KCNMA1: variants seen among roughly 807,000 people sequenced by gnomAD.
KCNMA1 encodes the protein potassium calcium-activated channel subfamily M alpha 1.
In KCNMA1, 29 loss-of-function variants were observed where a neutral mutation model predicts 140.0. The ratio of observed to expected loss-of-function variants is 0.21; its 90% CI spans 0.15 to 0.28. The LOEUF is 0.28. Ranked by LOEUF, KCNMA1 falls within the 10% of genes least tolerant of loss-of-function variation. KCNMA1 has a pLI of 1.00. For synonymous variants in KCNMA1, 612 were observed against 611.9 expected, an observed-to-expected ratio of 1.00 and a Z score of 0.00; for missense variants, 880 against 1,602.2, an observed-to-expected ratio of 0.55 and a Z score of 7.70.
At chr10:77,612,755 TCTTCA>T (rs1273812099) in intron 1 of KCNMA1, among the ~76,000 whole-genome samples, 1 of 152,128 alleles carries the variant, frequency 6.6e-6, no homozygotes, top group African/African-American at 2.4e-5. Flanking sequence ...TACCTTCCTC[TCTTCA>T]CTTCACGGTG....
intron 20 of KCNMA1, 104 bp from the exon 21 acceptor site, chr10:76,954,028 A>C: frequency 7.6e-7 from 1 of 1,312,454 alleles, no homozygotes. Context: ...ATGCAGAGGA[A>C]GTGGTTGTCA....
intron 3 of KCNMA1, among the ~76,000 whole-genome samples, chr10:77,229,837 G>A (rs2052966152): frequency 6.6e-6 from 1 of 152,184 alleles, no homozygotes. Flanking sequence ...ACCCCCGCAT[G>A]TTGTTGGTGG....
chr10:77,623,925 G>A (rs538870815), intron 1 of KCNMA1, among the ~76,000 whole-genome samples: 75 of 152,282 alleles, frequency 4.9e-4, no homozygotes, highest in Non-Finnish European at 8.8e-4. Flanking sequence ...GCATGGCTCC[G>A]GTAGCATAAT....
chr10:77,266,380 T>C (rs959791323), intron 2 of KCNMA1, among the ~76,000 whole-genome samples: 3 of 152,192 alleles, frequency 2.0e-5, no homozygotes, highest in Non-Finnish European at 2.9e-5. Flanking sequence ...GCTCCCTTTG[T>C]CCAGGTTCCA....
chr10:76,970,340 A>C, intron 19 of KCNMA1: 2 of 396,788 alleles, frequency 5.0e-6, no homozygotes, highest in Non-Finnish European at 9.3e-6. Flanking sequence ...AAAAAAAAAA[A>C]AAAAAAAGAA....
intron 1 of KCNMA1, among the ~76,000 whole-genome samples, chr10:77,446,640 A>G (rs1438020753): frequency 6.6e-6 from 1 of 152,214 alleles, no homozygotes; most frequent in Non-Finnish European, 1.5e-5. Flanking sequence ...CTTGGAGGAC[A>G]ACCAACAAAG....
At chr10:77,531,139 C>T (rs937329488) in intron 1 of KCNMA1, among the ~76,000 whole-genome samples, 4 of 152,116 alleles carry the variant, frequency 2.6e-5, no homozygotes, top group East Asian at 1.9e-4. Flanking sequence ...AAGCACCACG[C>T]GGGGCTTCAA....
chr10:77,288,824 A>G (rs1703005672), intron 2 of KCNMA1, among the ~76,000 whole-genome samples: 2 of 152,222 alleles, frequency 1.3e-5, no homozygotes, highest in Admixed American at 1.3e-4. Context: ...GCATTTTAAC[A>G]AGCTTTTTTT....
chr10:77,127,598 C>T (rs1419039096), intron 5 of KCNMA1, among the ~76,000 whole-genome samples: 1 of 151,650 alleles, frequency 6.6e-6, no homozygotes, highest in Non-Finnish European at 1.5e-5. Context: ...GGAAAGAAGG[C>T]ATGAAGGCAA....
At chr10:77,281,443 C>T (rs2068562021) in intron 2 of KCNMA1, among the ~76,000 whole-genome samples, 1 of 152,102 alleles carries the variant, frequency 6.6e-6, no homozygotes, top group South Asian at 2.1e-4. Flanking sequence ...TACATGGTGG[C>T]CATGAATGGA....
intron 2 of KCNMA1, among the ~76,000 whole-genome samples, chr10:77,257,735 A>T (rs192852490): frequency 2.0e-5 from 3 of 152,230 alleles, no homozygotes; most frequent in African/African-American, 7.2e-5. Context: ...TGTTCCTGTG[A>T]TAGTGAATAA....
intron 1 of KCNMA1, among the ~76,000 whole-genome samples, chr10:77,548,663 T>C (rs1349438952): frequency 6.6e-6 from 1 of 152,204 alleles, no homozygotes; most frequent in Non-Finnish European, 1.5e-5. Flanking sequence ...GCATCAGGAC[T>C]GAGGAGACTC....
At chr10:77,385,456 T>C (rs79535267) in intron 2 of KCNMA1, among the ~76,000 whole-genome samples, 5,004 of 152,336 alleles carry the variant, frequency 0.033, 266 homozygotes, top group African/African-American at 0.11. Context: ...AATAACCCTA[T>C]GAGGTAAGTA....
At chr10:77,567,962 G>C (rs546337664) in intron 1 of KCNMA1, among the ~76,000 whole-genome samples, 4 of 152,126 alleles carry the variant, frequency 2.6e-5, no homozygotes, top group Admixed American at 6.5e-5. Context: ...TGTGCTCTAC[G>C]CAAATAAACT....
chr10:77,171,865 T>C (rs1327172371), intron 5 of KCNMA1, among the ~76,000 whole-genome samples: 1 of 152,140 alleles, frequency 6.6e-6, no homozygotes, highest in African/African-American at 2.4e-5. Flanking sequence ...GAAATCTTCT[T>C]TGGGCTGGGA....
intron 16 of KCNMA1, chr10:77,020,766 GC>G (rs1313316965): frequency 6.6e-6 from 1 of 152,126 alleles, no homozygotes; most frequent in Non-Finnish European, 1.5e-5. Flanking sequence ...TATAAATTTT[GC>G]ACATTTTTTT....
rs142859746 is a variant in KCNMA1 at position 77,436,006 on chromosome 10, A to G, written c.379-31983T>C. 7.7e-4 allele frequency among the ~76,000 whole-genome samples: 118 copies of G among 152,304 alleles called. 1 individual carries two copies. The highest frequency in any genetic ancestry group is 2.7e-3 in the African/African-American group (114 of 41,562). On this transcript the variant is annotated intron_variant, in intron 1 of 27. Transcript: ENST00000286628. Reference sequence around the variant, plus strand: ...TGTGTGTGCAATATGTGTTTCCACCACTTTGTGAAGTTCAGCCAAATGGCC... The same window carrying G: ...TGTGTGTGCAATATGTGTTTCCACCGCTTTGTGAAGTTCAGCCAAATGGCC...
intron 3 of KCNMA1, among the ~76,000 whole-genome samples, chr10:77,235,610 G>A (rs1418270673): frequency 1.3e-5 from 2 of 152,084 alleles, no homozygotes; most frequent in Admixed American, 1.3e-4. Context: ...TGGCTAACAG[G>A]TTATTCAGCC....
At chr10:77,183,098 T>A (rs1285925647) in intron 5 of KCNMA1, among the ~76,000 whole-genome samples, 3 of 152,170 alleles carry the variant, frequency 2.0e-5, no homozygotes, top group African/African-American at 7.2e-5. Context: ...CCCCATGGGC[T>A]TCTTAATCCA....
Sources: allele counts gnomAD v4.1 joint callset (sites outside exome capture counted in the v4.1 genomes callset), GRCh38; gene constraint gnomAD v4.1.1; transcripts MANE v1.5; gene names NCBI Gene and HGNC (gene_info 2026-07-23, HGNC 2026-07-21).